Variants in ARL6IP5 observed in about 807,000 individuals in gnomAD.
ARL6IP5 encodes the protein PRA1 family protein 3.
ARL6IP5 carries 6 observed loss-of-function variants against 13.0 expected under a neutral mutation model. The ratio of observed to expected loss-of-function variants is 0.46; its 90% CI spans 0.25 to 0.91. The LOEUF (loss-of-function observed/expected upper bound fraction) is 0.91. Among genes scored for constraint, ARL6IP5 ranks in the 40% least tolerant of loss-of-function variants. The pLI is 0.17. For missense variants in ARL6IP5, 208 were observed against 248.8 expected (o/e 0.84, Z 1.10); for synonymous variants, 91 against 91.9 (o/e 0.99, Z 0.06).
chr3:69,096,028 T>C (rs530839986), intron 1 of ARL6IP5, among the ~76,000 whole-genome samples: 1 of 152,260 alleles, frequency 6.6e-6, no homozygotes, highest in African/African-American at 2.4e-5. Flanking sequence ...GGTGTGTGTG[T>C]GTGTGTCTGT....
At chr3:69,102,151 A>C (rs1281553439) in intron 2 of ARL6IP5, 95 bp downstream of exon 2, 7 of 1,355,052 alleles carry the variant, frequency 5.2e-6, no homozygotes, top group Non-Finnish European at 4.1e-6. Context: ...ATGTGTTGGC[A>C]TGTCAGCAAA....
chr3:69,096,901 G>C (rs1053808541), intron 1 of ARL6IP5, among the ~76,000 whole-genome samples: 1 of 151,860 alleles, frequency 6.6e-6, no homozygotes, highest in Non-Finnish European at 1.5e-5. Flanking sequence ...TGTACCTGGC[G>C]ATCTTTGTTT....
At chr3:69,093,013 C>T (rs9836212) in intron 1 of ARL6IP5, among the ~76,000 whole-genome samples, 73,033 of 151,780 alleles carry the variant, frequency 0.48, 17,734 homozygotes, top group South Asian at 0.57. Flanking sequence ...GTTAGTTTTC[C>T]ATAATGAAAA....
intron 1 of ARL6IP5, among the ~76,000 whole-genome samples, chr3:69,094,547 A>G (rs987639997): frequency 1.3e-5 from 2 of 152,068 alleles, no homozygotes; most frequent in African/African-American, 4.8e-5. Flanking sequence ...CCGTGAGTAT[A>G]TTGTTCCCCA....
At chr3:69,089,769 T>C (rs773165289) in intron 1 of ARL6IP5, 1 of 456,300 alleles carries the variant, frequency 2.2e-6, no homozygotes, top group Non-Finnish European at 4.4e-6. Context: ...GCAAGAGAGC[T>C]GCATGTATTC....
chr3:69,100,784 T>TAA lies in ARL6IP5; in HGVS notation c.177-1040_177-1039dup, dbSNP rs55658079. Among the ~76,000 whole-genome samples, 801 of 100,020 alleles carry TAA rather than the reference T, an allele frequency of 8.0e-3. 8 individuals carry two copies. The highest frequency in any genetic ancestry group is 0.028 in the African/African-American group (751 of 27,086). The allele number at this position is 100,020 out of a possible 152,430, so 65.6% of individuals were successfully genotyped here. On this transcript the variant is annotated intron_variant, in intron 1 of 2. Transcript: ENST00000273258. The stretch of plus-strand genomic sequence containing the variant: ...TGACAGAGCAAGACTCTGTCTCAAA[T>TAA]AAAAAAAAAAAAAAAAGAAAAACAG...
rs2092316573 is a variant in ARL6IP5 at position 69,104,597 on chromosome 3, C to T, written c.528C>T (p.Ile176=). 5 of 1,614,068 alleles carry T rather than the reference C, an allele frequency of 3.1e-6. No individual in the cohort carries two copies. Among genetic ancestry groups the T allele is most frequent in the East Asian group, 2.2e-5 (1 of 44,876 alleles). ...LDALEQQEEG[I]NRLTDYISKV... is the part of the protein sequence containing the mutation. Reference sequence around the variant, plus strand: ...CCCTAGAACAGCAGGAAGAAGGCATCAACAGACTCACTGACTATATCAGCA... The same window carrying T: ...CCCTAGAACAGCAGGAAGAAGGCATTAACAGACTCACTGACTATATCAGCA... Residue 176 remains isoleucine, a synonymous_variant, in exon 3 of 3, where the codon ATC becomes ATT. Transcript: ENST00000273258.
At chr3:69,103,034 G>A (rs1390364611) in intron 2 of ARL6IP5, among the ~76,000 whole-genome samples, 2 of 152,272 alleles carry the variant, frequency 1.3e-5, no homozygotes, top group East Asian at 1.9e-4. Flanking sequence ...TTTGACATGT[G>A]CACTTATTCC....
intron 1 of ARL6IP5, among the ~76,000 whole-genome samples, chr3:69,091,051 AGCCTG>A (rs2092263883): frequency 6.6e-6 from 1 of 152,120 alleles, no homozygotes. Context: ...AGAAAAAATT[AGCCTG>A]GCGTGGTGGC....
In ARL6IP5 at chr3:69,101,912, G is replaced by A. The variant is rs1353760602; in HGVS notation, c.250G>A (p.Ala84Thr). Residue 84 changes from alanine to threonine, a missense_variant, in exon 2 of 3, where the codon GCC (alanine) becomes ACC (threonine). Transcript: ENST00000273258. ...VLVFTGFVWA[A>T]HNKDVLRRMK... ...GGTGTTCACAGGGTTTGTGTGGGCAGCCCACAATAAAGACGTCCTTCGCCG... is the reference window on the plus strand; with the variant it reads ...GGTGTTCACAGGGTTTGTGTGGGCAACCCACAATAAAGACGTCCTTCGCCG... The A allele has an allele frequency of 3.1e-6, 5 of 1,614,052 alleles. No individual in the cohort carries two copies. Among genetic ancestry groups the A allele is most frequent in the Non-Finnish European group, 4.2e-6 (5 of 1,180,006 alleles).
chr3:69,090,638 A>G (rs746592633), intron 1 of ARL6IP5, among the ~76,000 whole-genome samples: 3 of 152,174 alleles, frequency 2.0e-5, no homozygotes, highest in African/African-American at 4.8e-5. Flanking sequence ...AAATTTTACT[A>G]TCCTAACCCA....
chr3:69,097,522 A>G (rs989642332), intron 1 of ARL6IP5, among the ~76,000 whole-genome samples: 1 of 151,966 alleles, frequency 6.6e-6, no homozygotes, highest in Non-Finnish European at 1.5e-5. Flanking sequence ...AATCTATAAG[A>G]GTTTCAAGGC....
At chr3:69,096,489 T>C (rs908993075) in intron 1 of ARL6IP5, among the ~76,000 whole-genome samples, 2 of 152,138 alleles carry the variant, frequency 1.3e-5, no homozygotes, top group Admixed American at 1.3e-4. Flanking sequence ...CTTTGATGCT[T>C]TGCTGCCAGC....
intron 1 of ARL6IP5, 88 bp downstream of exon 1, chr3:69,085,311 C>T: frequency 3.4e-6 from 5 of 1,458,506 alleles, no homozygotes; most frequent in Non-Finnish European, 3.7e-6. Context: ...TAGAGACGCT[C>T]TCTGACCACG....
intron 1 of ARL6IP5, among the ~76,000 whole-genome samples, chr3:69,101,357 C>T (rs2092304671): frequency 7.5e-6 from 1 of 133,876 alleles, no homozygotes; most frequent in Admixed American, 7.6e-5. Flanking sequence ...AGGTCTCACT[C>T]TGTCACCCAG....
rs1350826756 is a variant in ARL6IP5 at position 69,099,131 on chromosome 3, G to GC, written c.177-2708_177-2707insC. ...TAGCACTTTGGGAGGCTGAGGGGCG[G>GC]GGGGGGTGGGGGGTGGATCACATGA... is the stretch of plus-strand genomic sequence containing the variant. On this transcript the variant is annotated intron_variant, in intron 1 of 2. Coordinates refer to ENST00000273258, the MANE Select transcript of ARL6IP5 (RefSeq NM_006407.4). 1.7e-3 allele frequency among the ~76,000 whole-genome samples: 172 copies of GC among 100,140 alleles called. 5 individuals carry two copies. Among genetic ancestry groups the GC allele is most frequent in the African/African-American group, 7.9e-3 (157 of 19,904 alleles). 65.7% of individuals were successfully genotyped at this position (100,140 alleles called of 152,430 possible).
chr3:69,085,270 G>GA lies in ARL6IP5; in HGVS notation c.176+48dup, dbSNP rs770813056. ...GGGACACCGATCCGGGGCGAGCACG[G>GA]AGGGGCCTCGGGGTGCAAGATCCCG... On this transcript the variant is annotated intron_variant, in intron 1 of 2. Coordinates refer to ENST00000273258, the MANE Select transcript of ARL6IP5 (RefSeq NM_006407.4). 41 of 1,577,100 alleles carry GA rather than the reference G, an allele frequency of 2.6e-5. No homozygotes were observed. The African/African-American group carries it at 5.2e-4, about 20-fold the overall frequency.
At chr3:69,088,332 A>T (rs2092254286) in intron 1 of ARL6IP5, among the ~76,000 whole-genome samples, 1 of 152,242 alleles carries the variant, frequency 6.6e-6, no homozygotes, top group Non-Finnish European at 1.5e-5. Flanking sequence ...AGTTTCTCAG[A>T]ATATCTTGGT....
chr3:69,098,968 A>G lies in ARL6IP5; in HGVS notation c.177-2871A>G, dbSNP rs552416497. Among the ~76,000 whole-genome samples, 21 of 152,204 alleles carry G rather than the reference A, an allele frequency of 1.4e-4. 1 individual carries two copies. The South Asian group carries it at 4.4e-3, about 32-fold the overall frequency. ...GCGTTTTTGTTTAATTCCTTAGACT[A>G]TATTCTGAGGAGGGGATTTATTGGC... On this transcript the variant is annotated intron_variant, in intron 1 of 2. Coordinates refer to ENST00000273258, the MANE Select transcript of ARL6IP5 (RefSeq NM_006407.4).
Sources: gnomAD v4.1 joint callset for allele counts (sites outside exome capture counted in the v4.1 genomes callset) on GRCh38, gnomAD v4.1.1 for gene constraint, MANE v1.5 for transcripts, NCBI Gene and HGNC (gene_info 2026-07-23, HGNC 2026-07-21) for gene names.